The following ATP9A variants were observed in gnomAD, a reference collection of about 807,000 sequenced individuals.
ATP9A encodes the protein ATPase phospholipid transporting 9A, also known as probable phospholipid-transporting ATPase IIA.
ATP9A carries 52 observed loss-of-function variants against 144.1 expected under a neutral mutation model. That is an observed-to-expected ratio of 0.36 (90% confidence interval 0.29 to 0.45). The LOEUF is 0.45. Ranked by LOEUF, ATP9A falls within the 20% of genes least tolerant of loss-of-function variation. ATP9A has a pLI of 1.00. For synonymous variants in ATP9A, 582 were observed against 557.4 expected (o/e 1.04, Z -0.62); for missense variants, 947 against 1,392.7 (o/e 0.68, Z 5.09).
chr20:51,665,908 G>C (rs1466461045), intron 13 of ATP9A, among the ~76,000 whole-genome samples: 2 of 152,006 alleles, frequency 1.3e-5, no homozygotes, highest in Non-Finnish European at 2.9e-5. Context: ...CTCTTTATGA[G>C]TCCAGTTTAG....
At chr20:51,639,251 A>T in intron 15 of ATP9A, 92 bp downstream of exon 15, 2 of 1,347,712 alleles carry the variant, frequency 1.5e-6, no homozygotes. Flanking sequence ...ATACCACAGT[A>T]AAGAGGGTTA....
chr20:51,632,733 G>A (rs1316547357), intron 15 of ATP9A, among the ~76,000 whole-genome samples: 2 of 151,966 alleles, frequency 1.3e-5, no homozygotes, highest in Non-Finnish European at 2.9e-5. Context: ...AAGATAAAGA[G>A]GTCAGAAAAT....
In ATP9A at chr20:51,599,071, AT is replaced by A. The variant is rs971942134; in HGVS notation, c.*2139del. 13 of 152,208 alleles carry A rather than the reference AT, an allele frequency of 8.5e-5. No homozygotes were observed. Among genetic ancestry groups the A allele is most frequent in the African/African-American group, 2.9e-4 (12 of 41,446 alleles). The allele number at this position is 152,208 out of a possible 1,614,324, so 9.4% of individuals were successfully genotyped here. ...TTGTGCACCTCAATCAAAATTGAGA[AT>A]TAAGGAAAAGGCCAGGGAGACCATC... On this transcript the variant is annotated 3_prime_UTR_variant, in exon 28 of 28. Coordinates refer to ENST00000338821, the MANE Select transcript of ATP9A (RefSeq NM_006045.3).
chr20:51,630,488 A>G (rs1449325179), intron 15 of ATP9A, among the ~76,000 whole-genome samples: 1 of 152,084 alleles, frequency 6.6e-6, no homozygotes, highest in Non-Finnish European at 1.5e-5. Context: ...AGATCACCTG[A>G]GGTCAGGAGT....
At chr20:51,722,063 A>C (rs1428815531) in intron 3 of ATP9A, among the ~76,000 whole-genome samples, 1 of 152,168 alleles carries the variant, frequency 6.6e-6, no homozygotes, top group Non-Finnish European at 1.5e-5. Flanking sequence ...GCTCTTCAAC[A>C]AAACAAACAA....
At position 51,733,519 on chromosome 20, in the gene ATP9A, G is replaced by A. The variant is rs535292723; in HGVS notation, c.69-3541C>T. On this transcript the variant is annotated intron_variant, in intron 1 of 27. Coordinates refer to ENST00000338821, the MANE Select transcript of ATP9A (RefSeq NM_006045.3). ...CTCCTGAGTAGCTGGGATTACAGGC[G>A]TGCGCCACCACACCCAGCTAATTTT... 1.9e-4 allele frequency among the ~76,000 whole-genome samples: 29 copies of A among 152,076 alleles called. 1 individual carries two copies. The highest frequency in any genetic ancestry group is 1.2e-3 in the South Asian group (6 of 4,812).
intron 13 of ATP9A, among the ~76,000 whole-genome samples, chr20:51,669,766 T>C (rs1421735137): frequency 9.9e-5 from 15 of 152,098 alleles, no homozygotes; most frequent in Non-Finnish European, 1.5e-5. Context: ...GTCATGGGTA[T>C]AGAAGGGAGG....
At chr20:51,719,913 A>G (rs1195378175) in intron 3 of ATP9A, among the ~76,000 whole-genome samples, 2 of 150,180 alleles carry the variant, frequency 1.3e-5, no homozygotes, top group African/African-American at 2.5e-5. Context: ...ACTGGGCGTG[A>G]TGGCACACAC....
At chr20:51,605,225 AACT>A (rs1568781285) in intron 26 of ATP9A, among the ~76,000 whole-genome samples, 1 of 152,230 alleles carries the variant, frequency 6.6e-6, no homozygotes, top group Non-Finnish European at 1.5e-5. Context: ...AATAATCTTT[AACT>A]ACAAAGTGAG....
At chr20:51,707,177 G>T (rs2077618087) in intron 4 of ATP9A, among the ~76,000 whole-genome samples, 1 of 152,072 alleles carries the variant, frequency 6.6e-6, no homozygotes, top group Admixed American at 6.6e-5. Context: ...TCCCGTACTT[G>T]GTTTAATGCC....
At chr20:51,737,091 C>G (rs1300550308) in intron 1 of ATP9A, among the ~76,000 whole-genome samples, 2 of 152,196 alleles carry the variant, frequency 1.3e-5, no homozygotes, top group African/African-American at 4.8e-5. Context: ...TACATCCGCT[C>G]TCTCTCCTAC....
chr20:51,639,318 TA>T (rs778103724), intron 15 of ATP9A, 24 bp downstream of exon 15: 1 of 1,595,388 alleles, frequency 6.3e-7, no homozygotes. Flanking sequence ...TTAAGCACTT[TA>T]AGCCATGAAT....
intron 15 of ATP9A, among the ~76,000 whole-genome samples, chr20:51,635,770 AAAGAG>A (rs2077288344): frequency 9.7e-6 from 1 of 103,450 alleles, no homozygotes; most frequent in East Asian, 2.9e-4. Flanking sequence ...AGAGAAAAGA[AAAGAG>A]AAAAGGAAGG....
chr20:51,733,982 TTTTTC>T lies in ATP9A; in HGVS notation c.69-4009_69-4005del, dbSNP rs552623820. Among the ~76,000 whole-genome samples, 61 of 152,110 alleles carry T rather than the reference TTTTTC, an allele frequency of 4.0e-4. No homozygotes were observed. In the South Asian group the frequency reaches 5.4e-3, roughly 13 times the overall value. On this transcript the variant is annotated intron_variant, in intron 1 of 27. Coordinates refer to ENST00000338821, the MANE Select transcript of ATP9A (RefSeq NM_006045.3). Reference sequence around the variant, plus strand: ...GCCACCATGCCTGGCCCCTCATGCCTTTTTCTTTTCTTAAGATGGGGTCTCACTCT... The same window carrying T: ...GCCACCATGCCTGGCCCCTCATGCCTTTTTCTTAAGATGGGGTCTCACTCT...
At chr20:51,719,247 C>T (rs1197515509) in intron 3 of ATP9A, among the ~76,000 whole-genome samples, 2 of 152,122 alleles carry the variant, frequency 1.3e-5, no homozygotes, top group African/African-American at 4.8e-5. Context: ...ATGAAAGTCC[C>T]TCACCTTCAA....
rs1159943891 is a variant in ATP9A, at chr20:51,600,485, T to A, written c.*726A>T. On this transcript the variant is annotated 3_prime_UTR_variant, in exon 28 of 28. Transcript: ENST00000338821. Reference sequence around the variant, plus strand: ...CGGGATCACACCTCTGAAATTCTTTTACGAGGTGGCAGGTGAAGTTAACTC... The same window carrying A: ...CGGGATCACACCTCTGAAATTCTTTAACGAGGTGGCAGGTGAAGTTAACTC... The A allele has an allele frequency of 1.3e-5, 2 of 152,174 alleles. No individual in the cohort carries two copies. The allele number at this position is 152,174 out of a possible 1,614,324, so 9.4% of individuals were successfully genotyped here. A position where few individuals can be genotyped will look rare whatever the true frequency, so the allele number is the denominator to read the frequency against.
chr20:51,663,795 G>GAA (rs56793951), intron 13 of ATP9A, among the ~76,000 whole-genome samples: 58,264 of 114,348 alleles, frequency 0.51, 14,480 homozygotes, highest in East Asian at 0.75. Flanking sequence ...CTCCGTCTCA[G>GAA]AAAAAAAAAA....
chr20:51,633,627 T>C (rs1280921281), intron 15 of ATP9A, among the ~76,000 whole-genome samples: 2 of 151,944 alleles, frequency 1.3e-5, no homozygotes, highest in African/African-American at 4.8e-5. Flanking sequence ...ATACCTGTAG[T>C]CCCAGCTACT....
At chr20:51,650,940 C>T (rs944226158) in intron 14 of ATP9A, among the ~76,000 whole-genome samples, 3 of 150,214 alleles carry the variant, frequency 2.0e-5, no homozygotes, top group South Asian at 2.1e-4. Context: ...TGAACACAAG[C>T]GTAAGTCCTA....
Sources: gnomAD v4.1 joint callset for allele counts (sites outside exome capture counted in the v4.1 genomes callset) on GRCh38, gnomAD v4.1.1 for gene constraint, MANE v1.5 for transcripts, NCBI Gene and HGNC (gene_info 2026-07-23, HGNC 2026-07-21) for gene names.